PCDH11Y: variants seen among roughly 807,000 people sequenced by gnomAD.
The protein encoded by PCDH11Y is protocadherin 11 Y-linked.
For synonymous variants in PCDH11Y, 9 were observed against 83.6 expected, an observed-to-expected ratio of 0.11 and a Z score of 4.87; for missense variants, 12 against 224.8, an observed-to-expected ratio of 0.05 and a Z score of 6.05.
intron 3 of PCDH11Y, among the ~76,000 whole-genome samples, chrY:5,580,473 C>A (rs2053449813): frequency 6.2e-5 from 2 of 32,013 alleles, no homozygotes; most frequent in African/African-American, 2.4e-4. Flanking sequence ...CTAATTAATA[C>A]AAAATTAGAG....
chrY:5,465,159 TC>T (rs2053307161), intron 2 of PCDH11Y, among the ~76,000 whole-genome samples: 17 of 33,694 alleles, frequency 5.0e-4, no homozygotes, highest in African/African-American at 2.0e-3. Context: ...TGAGTTAATT[TC>T]AAACTTCTGA....
chrY:5,132,952 A>G, intron 2 of PCDH11Y, among the ~76,000 whole-genome samples: 1 of 32,673 alleles, frequency 3.1e-5, no homozygotes, highest in African/African-American at 1.2e-4. Flanking sequence ...TAGCTTTTTT[A>G]TATTATTCAT....
At chrY:5,316,120 G>A (rs2053106891) in intron 2 of PCDH11Y, among the ~76,000 whole-genome samples, 1 of 32,808 alleles carries the variant, frequency 3.0e-5, no homozygotes, top group African/African-American at 1.2e-4. Flanking sequence ...AAGGTGGTCG[G>A]GGCACAGCTT....
chrY:5,732,557 G>T (rs1602965328), intron 4 of PCDH11Y, among the ~76,000 whole-genome samples: 1 of 25,687 alleles, frequency 3.9e-5, no homozygotes, highest in Non-Finnish European at 8.0e-5. Flanking sequence ...TAAGTTTTTT[G>T]TTGTTGTTGT....
At chrY:5,191,939 C>T in intron 2 of PCDH11Y, among the ~76,000 whole-genome samples, 2 of 31,566 alleles carry the variant, frequency 6.3e-5, no homozygotes, top group South Asian at 7.2e-4. Flanking sequence ...GGCCATGGAC[C>T]GGTACCTATC....
intron 2 of PCDH11Y, chrY:5,207,882 C>T: frequency 2.8e-6 from 1 of 351,273 alleles, no homozygotes; most frequent in Non-Finnish European, 4.1e-6. Flanking sequence ...CTCAGTCCAT[C>T]TGTACTTGGT....
At chrY:5,322,206 T>C in intron 2 of PCDH11Y, among the ~76,000 whole-genome samples, 1 of 32,420 alleles carries the variant, frequency 3.1e-5, no homozygotes, top group Non-Finnish European at 7.5e-5. Flanking sequence ...TTATGAATTA[T>C]GCAGAACTCC....
chrY:5,597,376 C>T (rs2053468661), intron 4 of PCDH11Y, among the ~76,000 whole-genome samples: 1 of 25,570 alleles, frequency 3.9e-5, no homozygotes, highest in Non-Finnish European at 8.9e-5. Flanking sequence ...TATATATATA[C>T]ATATATATGT....
At chrY:5,375,110 T>C (rs1602914716) in intron 2 of PCDH11Y, among the ~76,000 whole-genome samples, 21 of 33,030 alleles carry the variant, frequency 6.4e-4, no homozygotes, top group Admixed American at 2.2e-3. Flanking sequence ...GATCATATGG[T>C]TGGTGTACAT....
At chrY:5,333,502 G>GA (rs2053133243) in intron 2 of PCDH11Y, among the ~76,000 whole-genome samples, 1 of 33,665 alleles carries the variant, frequency 3.0e-5, no homozygotes, top group Non-Finnish European at 7.3e-5. Flanking sequence ...CTGCAATGGA[G>GA]AAAGAGTAAT....
chrY:5,467,722 G>A (rs1602929709), intron 2 of PCDH11Y, among the ~76,000 whole-genome samples: 5,137 of 32,678 alleles, frequency 0.16, no homozygotes, highest in African/African-American at 0.6. Context: ...CCACAGACTG[G>A]TCTTCCTTTG....
intron 2 of PCDH11Y, among the ~76,000 whole-genome samples, chrY:5,451,318 G>A: frequency 3.1e-5 from 1 of 32,617 alleles, no homozygotes; most frequent in Non-Finnish European, 7.6e-5. Flanking sequence ...TAGGAAATTT[G>A]CATTTGTTAA....
chrY:5,006,727 G>A, intron 1 of PCDH11Y, among the ~76,000 whole-genome samples: 1 of 33,762 alleles, frequency 3.0e-5, no homozygotes, highest in African/African-American at 1.1e-4. Context: ...CCAGAATGAA[G>A]AAAACTAGGT....
intron 2 of PCDH11Y, among the ~76,000 whole-genome samples, chrY:5,177,307 A>G (rs2052894759): frequency 3.0e-5 from 1 of 33,374 alleles, no homozygotes. Flanking sequence ...TCAAAACACT[A>G]AAAATTGAGC....
intron 2 of PCDH11Y, among the ~76,000 whole-genome samples, chrY:5,137,838 T>C (rs2052842697): frequency 6.0e-5 from 2 of 33,109 alleles, no homozygotes; most frequent in Non-Finnish European, 1.5e-4. Flanking sequence ...AGGACTTCAG[T>C]ACTCCACTGC....
At chrY:5,364,126 C>A (rs2053177985) in intron 2 of PCDH11Y, among the ~76,000 whole-genome samples, 1 of 31,544 alleles carries the variant, frequency 3.2e-5, no homozygotes, top group Non-Finnish European at 7.6e-5. Flanking sequence ...TAGGCATGAG[C>A]CACCCCTCTA....
At chrY:5,404,616 G>A in intron 2 of PCDH11Y, among the ~76,000 whole-genome samples, 1 of 32,768 alleles carries the variant, frequency 3.1e-5, no homozygotes, top group African/African-American at 1.2e-4. Context: ...CATCGTTAAA[G>A]CCATTCAATG....
At chrY:5,049,120 G>A in intron 3 of PCDH11Y, among the ~76,000 whole-genome samples, 2 of 32,127 alleles carry the variant, frequency 6.2e-5, no homozygotes, top group Admixed American at 5.8e-4. Context: ...CTACCCAGAT[G>A]TCCCAGCCCG....
intron 4 of PCDH11Y, among the ~76,000 whole-genome samples, chrY:5,735,504 C>T (rs2053608513): frequency 3.2e-5 from 1 of 30,844 alleles, no homozygotes; most frequent in Non-Finnish European, 7.8e-5. Flanking sequence ...ATACTTTCAC[C>T]ATTGAATTCA....
Sources: allele counts gnomAD v4.1 joint callset (sites outside exome capture counted in the v4.1 genomes callset), GRCh38; gene constraint gnomAD v4.1.1; transcripts MANE v1.5; gene names NCBI Gene and HGNC (gene_info 2026-07-23, HGNC 2026-07-21).